PDIA6: variants seen among roughly 807,000 people sequenced by gnomAD.
The protein encoded by PDIA6 is protein disulfide isomerase family A member 6.
PDIA6 carries 29 observed loss-of-function variants against 58.4 expected under a neutral mutation model. That is an observed-to-expected ratio of 0.50 (90% CI 0.37 to 0.68). PDIA6 has a LOEUF of 0.68. PDIA6 is among the 30% of genes least tolerant of loss of function. The pLI, the probability that PDIA6 is intolerant of heterozygous loss-of-function variation, is 0.00. For synonymous variants in PDIA6, 192 were observed against 202.6 expected (o/e 0.95, Z 0.44); for missense variants, 480 against 551.0 (o/e 0.87, Z 1.29).
chr2:10,784,643 T>C, intron 12 of PDIA6: 2 of 503,498 alleles, frequency 4.0e-6, no homozygotes, highest in South Asian at 3.3e-5. Flanking sequence ...TCTATTTTTC[T>C]AAGATAAAGT....
At chr2:10,812,650 C>A (rs774760248) in intron 1 of PDIA6, 28 bp downstream of exon 1, 2 of 1,521,182 alleles carry the variant, frequency 1.3e-6, no homozygotes, top group Non-Finnish European at 1.8e-6. Flanking sequence ...CCCAGCTCGC[C>A]CGCCTCCCTC....
At chr2:10,821,974 C>T (rs1667408638) in intron 1 of PDIA6, among the ~76,000 whole-genome samples, 1 of 151,726 alleles carries the variant, frequency 6.6e-6, no homozygotes, top group Non-Finnish European at 1.5e-5. Flanking sequence ...GAGACAGAGT[C>T]TGTTGCCCAG....
chr2:10,829,542 TG>T (rs1199298677), intron 1 of PDIA6, among the ~76,000 whole-genome samples: 2 of 152,186 alleles, frequency 1.3e-5, no homozygotes, highest in Admixed American at 6.5e-5. Flanking sequence ...GGCACGGTGT[TG>T]GGGGGTGGAG....
chr2:10,834,235 A>C (rs1353642071), upstream of PDIA6, among the ~76,000 whole-genome samples: 1 of 152,268 alleles, frequency 6.6e-6, no homozygotes, highest in Non-Finnish European at 1.5e-5. Context: ...GCTTCTGAGC[A>C]GAGACAAAAA....
intron 2 of PDIA6, 21 bp from the exon 3 acceptor site, chr2:10,797,778 A>C (rs771634837): frequency 5.0e-6 from 8 of 1,590,420 alleles, no homozygotes; most frequent in Non-Finnish European, 6.8e-6. Flanking sequence ...AAGACAACAC[A>C]AAGCAACCAT....
Position 10,787,541 on chromosome 2 carries a change from G to A in PDIA6, c.999-102C>T, listed in dbSNP as rs544463218. ...CAAAAGATCACGCTTCAGATATTTCGTAGAATGACAAATAAAAACAAAAGA... is the reference window on the plus strand; with the variant it reads ...CAAAAGATCACGCTTCAGATATTTCATAGAATGACAAATAAAAACAAAAGA... On this transcript the variant is annotated intron_variant, in intron 10 of 12. Coordinates refer to ENST00000272227, the MANE Select transcript of PDIA6 (RefSeq NM_005742.4). 6.5e-5 allele frequency: 70 copies of A among 1,081,540 alleles called. No individual in the cohort carries two copies. In the Admixed American group the frequency reaches 8.5e-4, roughly 13 times the overall value. The allele number at this position is 1,081,540 out of a possible 1,614,324, so 67.0% of individuals were successfully genotyped here. A position where few individuals can be genotyped will look rare whatever the true frequency, so the allele number is the denominator to read the frequency against.
exon 1 of PDIA6, chr2:10,832,453 G>A: frequency 1.0e-6 from 1 of 985,430 alleles, no homozygotes; most frequent in Non-Finnish European, 1.2e-6. Flanking sequence ...CACGAGGCCA[G>A]GAGACCTAAC....
chr2:10,793,305 G>C (rs1020986797), intron 4 of PDIA6, 103 bp from the exon 5 acceptor site: 1 of 721,372 alleles, frequency 1.4e-6, no homozygotes, highest in Non-Finnish European at 2.5e-6. Context: ...GGCTTCACCA[G>C]GTGTGACACA....
intron 1 of PDIA6, among the ~76,000 whole-genome samples, chr2:10,830,210 G>A (rs1667671651): frequency 6.6e-6 from 1 of 152,204 alleles, no homozygotes; most frequent in Non-Finnish European, 1.5e-5. Flanking sequence ...TCAAGACAGG[G>A]GCCAGGACTG....
At chr2:10,803,072 A>AT (rs1280618657) in intron 1 of PDIA6, among the ~76,000 whole-genome samples, 1 of 152,214 alleles carries the variant, frequency 6.6e-6, no homozygotes, top group Non-Finnish European at 1.5e-5. Flanking sequence ...TTATTAGCAC[A>AT]TTATCTTTAT....
chr2:10,785,907 T>G (rs1186035303), intron 11 of PDIA6, among the ~76,000 whole-genome samples: 1 of 152,154 alleles, frequency 6.6e-6, no homozygotes, highest in East Asian at 1.9e-4. Flanking sequence ...AGACATAAGG[T>G]CTCACCGTGG....
intron 1 of PDIA6, chr2:10,820,732 G>A (rs1234643685): frequency 4.3e-6 from 3 of 702,736 alleles, no homozygotes; most frequent in Non-Finnish European, 5.2e-6. Flanking sequence ...GCACCAGCTG[G>A]GGTGGCCCGA....
intron 1 of PDIA6, among the ~76,000 whole-genome samples, chr2:10,811,948 T>C (rs759713613): frequency 2.6e-4 from 40 of 152,284 alleles, no homozygotes; most frequent in Non-Finnish European, 4.6e-4. Flanking sequence ...AGTTTCACTC[T>C]TGTTGCCCAG....
intron 1 of PDIA6, among the ~76,000 whole-genome samples, chr2:10,803,246 C>T (rs1236262204): frequency 3.3e-5 from 5 of 152,214 alleles, no homozygotes; most frequent in African/African-American, 1.2e-4. Context: ...CAACCTCCGC[C>T]TCCCAGGTTC....
chr2:10,834,319 C>A (rs1667776447), upstream of PDIA6, among the ~76,000 whole-genome samples: 1 of 152,264 alleles, frequency 6.6e-6, no homozygotes, highest in Non-Finnish European at 1.5e-5. Flanking sequence ...CAGCAGTGTG[C>A]TTTGGAGAGA....
At chr2:10,810,445 G>GTTTT (rs1411346060) in intron 1 of PDIA6, 3 of 1,365,158 alleles carry the variant, frequency 2.2e-6, no homozygotes, top group Admixed American at 3.3e-5. Flanking sequence ...ACAGACCAGG[G>GTTTT]TTTTTCACCT....
intron 1 of PDIA6, among the ~76,000 whole-genome samples, chr2:10,826,182 C>A (rs1413486557): frequency 6.6e-6 from 1 of 152,142 alleles, no homozygotes; most frequent in Non-Finnish European, 1.5e-5. Flanking sequence ...TATGGATTGA[C>A]CTTGATGACA....
chr2:10,801,341 A>G (rs1261927931), intron 2 of PDIA6, among the ~76,000 whole-genome samples: 3 of 152,196 alleles, frequency 2.0e-5, no homozygotes, highest in Non-Finnish European at 4.4e-5. Flanking sequence ...AAACTCTGCC[A>G]GTGTAATAAT....
At chr2:10,809,329 G>A (rs1333404711) in intron 1 of PDIA6, among the ~76,000 whole-genome samples, 1 of 152,076 alleles carries the variant, frequency 6.6e-6, no homozygotes, top group Non-Finnish European at 1.5e-5. Context: ...GTTTAACAAA[G>A]CCAAGTAAAT....
Sources: allele counts gnomAD v4.1 joint callset (sites outside exome capture counted in the v4.1 genomes callset), GRCh38; gene constraint gnomAD v4.1.1; transcripts MANE v1.5; gene names NCBI Gene and HGNC (gene_info 2026-07-23, HGNC 2026-07-21).